ZNF609: variants seen among roughly 807,000 people sequenced by gnomAD.
ZNF609 encodes zinc finger protein 609.
ZNF609 carries 11 observed loss-of-function variants against 109.5 expected under a neutral mutation model. That is an observed-to-expected ratio of 0.10 (90% CI 0.06 to 0.17). ZNF609 has a LOEUF of 0.17. ZNF609 is among the 10% of genes least tolerant of loss of function. The pLI, the probability that ZNF609 is intolerant of heterozygous loss-of-function variation, is 1.00. For synonymous variants in ZNF609, 646 were observed against 662.0 expected, an observed-to-expected ratio of 0.98 and a Z score of 0.37; for missense variants, 1,559 against 1,772.4, an observed-to-expected ratio of 0.88 and a Z score of 2.16.
intron 2 of ZNF609, among the ~76,000 whole-genome samples, chr15:64,596,644 G>A (rs1715391435): frequency 6.6e-6 from 1 of 151,988 alleles, no homozygotes; most frequent in Non-Finnish European, 1.5e-5. Context: ...TGACCTATTT[G>A]TCTCCTAATA....
chr15:64,577,172 T>TA (rs2140421002), intron 2 of ZNF609, among the ~76,000 whole-genome samples: 2 of 129,580 alleles, frequency 1.5e-5, no homozygotes, highest in African/African-American at 5.8e-5. Flanking sequence ...ACACACAATA[T>TA]ATACATATAT....
intron 1 of ZNF609, among the ~76,000 whole-genome samples, chr15:64,476,715 C>T (rs566831652): frequency 7.9e-5 from 12 of 152,288 alleles, no homozygotes; most frequent in African/African-American, 2.9e-4. Flanking sequence ...TGGAAGACAG[C>T]AGGGGTGGAA....
At chr15:64,664,803 T>G (rs151310055) in intron 3 of ZNF609, among the ~76,000 whole-genome samples, 15 of 152,352 alleles carry the variant, frequency 9.8e-5, no homozygotes, top group African/African-American at 3.6e-4. Context: ...TCTCTTCAGC[T>G]CATTCATTAT....
intron 3 of ZNF609, among the ~76,000 whole-genome samples, chr15:64,641,879 A>G (rs558333896): frequency 6.6e-6 from 1 of 152,280 alleles, no homozygotes; most frequent in Admixed American, 6.5e-5. Context: ...GATAGTGTAT[A>G]GATTCTCTTT....
At chr15:64,512,158 T>C (rs1893743366) in intron 2 of ZNF609, among the ~76,000 whole-genome samples, 1 of 152,304 alleles carries the variant, frequency 6.6e-6, no homozygotes, top group South Asian at 2.1e-4. Context: ...TCAACTATAA[T>C]GAACCTGATT....
At chr15:64,522,966 G>A (rs1567004489) in intron 2 of ZNF609, among the ~76,000 whole-genome samples, 1 of 76,334 alleles carries the variant, frequency 1.3e-5, no homozygotes, top group Non-Finnish European at 2.9e-5. Flanking sequence ...TTAATACATT[G>A]TGGTTAAAAA....
At chr15:64,509,628 G>C (rs1047886200) in intron 2 of ZNF609, among the ~76,000 whole-genome samples, 5 of 152,204 alleles carry the variant, frequency 3.3e-5, no homozygotes, top group African/African-American at 1.2e-4. Flanking sequence ...ATTGAAGTTT[G>C]GGGTTTTGTT....
intron 1 of ZNF609, among the ~76,000 whole-genome samples, chr15:64,465,509 T>G (rs1360984504): frequency 1.3e-5 from 2 of 152,042 alleles, no homozygotes; most frequent in Non-Finnish European, 2.9e-5. Context: ...GCCTCCTGAA[T>G]GGCTGGGTCT....
At chr15:64,665,638 G>A (rs144509473) in intron 3 of ZNF609, among the ~76,000 whole-genome samples, 6 of 152,236 alleles carry the variant, frequency 3.9e-5, no homozygotes, top group African/African-American at 9.6e-5. Context: ...GGCCGGGCCC[G>A]GTGGCGCATG....
intron 2 of ZNF609, among the ~76,000 whole-genome samples, chr15:64,505,239 A>ATG (rs1486279628): frequency 2.0e-5 from 3 of 152,288 alleles, no homozygotes; most frequent in Middle Eastern, 3.4e-3. Context: ...CTTATGATAT[A>ATG]TGTGTGTGTG....
chr15:64,604,877 G>T (rs923218964), intron 2 of ZNF609, among the ~76,000 whole-genome samples: 31 of 151,758 alleles, frequency 2.0e-4, no homozygotes, highest in Admixed American at 1.2e-3. Context: ...TATCGCCCAG[G>T]CTGGAGTGCA....
chr15:64,565,170 C>T (rs995615452), intron 2 of ZNF609, among the ~76,000 whole-genome samples: 4 of 150,522 alleles, frequency 2.7e-5, no homozygotes, highest in Non-Finnish European at 4.4e-5. Flanking sequence ...AGCAATTCTC[C>T]TGCCTCAGCC....
chr15:64,606,945 G>A (rs548564529), intron 2 of ZNF609, among the ~76,000 whole-genome samples: 1 of 152,242 alleles, frequency 6.6e-6, no homozygotes, highest in East Asian at 1.9e-4. Flanking sequence ...GGGAGTTTGA[G>A]ACCAGCCTGA....
chr15:64,613,551 CTTAT>C (rs1441414452), intron 2 of ZNF609, among the ~76,000 whole-genome samples: 9 of 152,080 alleles, frequency 5.9e-5, no homozygotes, highest in Non-Finnish European at 1.0e-4. Context: ...CTTGTTTAAA[CTTAT>C]TTATTTATTT....
chr15:64,476,340 AATAAAC>A (rs1893170101), intron 1 of ZNF609, among the ~76,000 whole-genome samples: 1 of 152,166 alleles, frequency 6.6e-6, no homozygotes, highest in South Asian at 2.1e-4. Context: ...AGGAGATAGA[AATAAAC>A]ATAATAATAT....
intron 1 of ZNF609, among the ~76,000 whole-genome samples, chr15:64,492,059 T>C (rs1413157444): frequency 6.6e-6 from 1 of 151,872 alleles, no homozygotes; most frequent in Non-Finnish European, 1.5e-5. Flanking sequence ...ATGGCCAACA[T>C]GGCGAAACCC....
intron 2 of ZNF609, among the ~76,000 whole-genome samples, chr15:64,525,097 A>C (rs1442156078): frequency 6.6e-6 from 1 of 152,092 alleles, no homozygotes; most frequent in Non-Finnish European, 1.5e-5. Flanking sequence ...TCATGTGCTT[A>C]TGTGCTTGTA....
chr15:64,548,588 C>T (rs2140389938), intron 2 of ZNF609, among the ~76,000 whole-genome samples: 1 of 152,208 alleles, frequency 6.6e-6, no homozygotes, highest in South Asian at 2.1e-4. Context: ...TGGCAAAACC[C>T]ATCTCTACAA....
chr15:64,555,433 G>A (rs963403878), intron 2 of ZNF609, among the ~76,000 whole-genome samples: 6 of 152,132 alleles, frequency 3.9e-5, no homozygotes, highest in Non-Finnish European at 7.4e-5. Context: ...GGAGGCCAAG[G>A]CGTGTGGATC....
Sources: gnomAD v4.1 joint callset for allele counts (sites outside exome capture counted in the v4.1 genomes callset) on GRCh38, gnomAD v4.1.1 for gene constraint, MANE v1.5 for transcripts, NCBI Gene and HGNC (gene_info 2026-07-23, HGNC 2026-07-21) for gene names.